Variants in SEC14L5 observed in about 807,000 individuals in gnomAD.
The protein encoded by SEC14L5 is SEC14-like protein 5.
In SEC14L5, 96 loss-of-function variants were observed where a neutral mutation model predicts 84.6. That is an observed-to-expected ratio of 1.13 (90% CI 0.96 to 1.34). The LOEUF (loss-of-function observed/expected upper bound fraction) is 1.34. SEC14L5 is among the 40% of genes most tolerant of loss of function. SEC14L5 has a pLI of 0.00. For missense variants in SEC14L5, 1,224 were observed against 942.5 expected (o/e 1.30, Z -3.91); for synonymous variants, 546 against 383.4 (o/e 1.42, Z -4.95).
chr16:4,977,520 G>A (rs1285299682), intron 2 of SEC14L5, among the ~76,000 whole-genome samples: 5 of 149,380 alleles, frequency 3.3e-5, no homozygotes, highest in African/African-American at 7.4e-5. Flanking sequence ...ATGAACACAT[G>A]CTGAATTAAA....
intron 2 of SEC14L5, 122 bp downstream of exon 2, chr16:4,959,508 G>A (rs1010604330): frequency 1.2e-6 from 1 of 839,660 alleles, no homozygotes; most frequent in South Asian, 1.4e-5. Flanking sequence ...GAGTTACTCA[G>A]CTGACCTGGT....
In SEC14L5 at chr16:4,981,401, C is replaced by G. The variant is rs536665790; in HGVS notation, c.64-6156C>G. 2.6e-5 allele frequency among the ~76,000 whole-genome samples: 4 copies of G among 151,774 alleles called. No individual in the cohort carries two copies. The East Asian group carries it at 7.7e-4, about 29-fold the overall frequency. ...TGCTGGGATTACAGGTGTGAGCCAC[C>G]GCGCCTGGTCTCGTCAAGGCCTGTT... is the stretch of plus-strand genomic sequence containing the variant. On this transcript the variant is annotated intron_variant, in intron 2 of 15. Coordinates refer to ENST00000251170, the MANE Select transcript of SEC14L5 (RefSeq NM_014692.2).
At chr16:5,010,263 C>G (rs934193242) in intron 14 of SEC14L5, among the ~76,000 whole-genome samples, 3 of 145,264 alleles carry the variant, frequency 2.1e-5, no homozygotes, top group Admixed American at 6.9e-5. Flanking sequence ...ACTCGGGAGG[C>G]TAAGGCAGGA....
At chr16:4,971,910 C>T (rs562820355) in intron 2 of SEC14L5, among the ~76,000 whole-genome samples, 9 of 152,130 alleles carry the variant, frequency 5.9e-5, no homozygotes, top group African/African-American at 2.2e-4. Context: ...TAAATGAAAC[C>T]TACATAGAGA....
intron 2 of SEC14L5, among the ~76,000 whole-genome samples, chr16:4,968,249 G>A (rs1456915366): frequency 2.0e-5 from 3 of 151,094 alleles, no homozygotes; most frequent in African/African-American, 4.9e-5. Flanking sequence ...GCGCAATCTC[G>A]GCTCACTGAA....
At chr16:4,976,706 C>T (rs1234842054) in intron 2 of SEC14L5, among the ~76,000 whole-genome samples, 1 of 152,222 alleles carries the variant, frequency 6.6e-6, no homozygotes, top group Non-Finnish European at 1.5e-5. Flanking sequence ...TGTGGCCCTG[C>T]AGCTGTGGGC....
At chr16:4,982,282 G>A (rs540762108) in intron 2 of SEC14L5, among the ~76,000 whole-genome samples, 1 of 152,280 alleles carries the variant, frequency 6.6e-6, no homozygotes, top group African/African-American at 2.4e-5. Context: ...TCAGATGCCG[G>A]CACTATTTTT....
rs772593315 is a variant in SEC14L5, at chr16:5,003,492, G to T, written c.1221G>T (p.Val407=). The T allele has an allele frequency of 6.2e-7, 1 of 1,613,018 alleles. No individual in the cohort carries two copies. The highest frequency in any genetic ancestry group is 1.3e-5 in the African/African-American group (1 of 74,966). The change falls in exon 11 of 16, where the codon GTG becomes GTT. Residue 407 remains valine (V), a synonymous_variant. Coordinates refer to ENST00000251170, the MANE Select transcript of SEC14L5 (RefSeq NM_014692.2). ...AGGCCCTGCTGCGGATGATTGAGGT[G>T]GTTGAGGACAATTACCCAGAGACCC... ...GVKALLRMIE[V]VEDNYPETLG...
chr16:5,011,013 A>C, intron 14 of SEC14L5, 82 bp from the exon 15 acceptor site: 1 of 1,361,686 alleles, frequency 7.3e-7, no homozygotes. Context: ...AGGCCTGGTG[A>C]TGAGAAGCCC....
intron 4 of SEC14L5, among the ~76,000 whole-genome samples, chr16:4,990,097 T>A (rs1250657037): frequency 6.6e-6 from 1 of 151,474 alleles, no homozygotes; most frequent in East Asian, 1.9e-4. Flanking sequence ...CTAAATTTTA[T>A]GTGTAATATT....
chr16:4,963,857 T>C lies in SEC14L5; in HGVS notation c.63+4471T>C, dbSNP rs58292653. 4.7e-3 allele frequency among the ~76,000 whole-genome samples: 708 copies of C among 152,214 alleles called. 14 individuals carry two copies. The East Asian group carries it at 0.051, about 11-fold the overall frequency. ...TTAAATTCTACTATATAAAAATTTA[T>C]AAATACTTTTATAGAAATGAGGTCT... On this transcript the variant is annotated intron_variant, in intron 2 of 15. Coordinates refer to ENST00000251170, the MANE Select transcript of SEC14L5 (RefSeq NM_014692.2).
At chr16:5,000,396 C>G (rs187128083) in intron 8 of SEC14L5, among the ~76,000 whole-genome samples, 2 of 152,376 alleles carry the variant, frequency 1.3e-5, no homozygotes, top group East Asian at 3.9e-4. Flanking sequence ...CCTCTGCCCC[C>G]CAAAATGCTG....
chr16:5,000,838 C>T lies in SEC14L5; in HGVS notation c.1060-17C>T. On this transcript the variant is annotated splice_polypyrimidine_tract_variant and intron_variant, in intron 9 of 15. Transcript: ENST00000251170. The stretch of plus-strand genomic sequence containing the variant: ...GCAGCGAGGCGGACGTTGAGCAGCA[C>T]TGTCTCTCCCTTCCAGGTTCTCTCC... 1.3e-6 allele frequency: 2 copies of T among 1,596,178 alleles called. No homozygotes were observed. Among genetic ancestry groups the T allele is most frequent in the East Asian group, 2.3e-5 (1 of 44,090 alleles).
intron 4 of SEC14L5, among the ~76,000 whole-genome samples, chr16:4,988,928 G>T (rs958388933): frequency 1.3e-5 from 2 of 152,242 alleles, no homozygotes; most frequent in African/African-American, 4.8e-5. Context: ...GTGTGCATTT[G>T]TCACAGCTAA....
At chr16:4,977,761 G>A (rs370205097) in intron 2 of SEC14L5, among the ~76,000 whole-genome samples, 1 of 151,712 alleles carries the variant, frequency 6.6e-6, no homozygotes, top group Non-Finnish European at 1.5e-5. Flanking sequence ...CACTTGGCAG[G>A]CGTTTGAATT....
chr16:5,004,635 C>T (rs2142524560), intron 11 of SEC14L5, among the ~76,000 whole-genome samples: 1 of 152,156 alleles, frequency 6.6e-6, no homozygotes, highest in Middle Eastern at 3.4e-3. Flanking sequence ...GGGCCCAGCA[C>T]AGCACAGAGC....
intron 4 of SEC14L5, among the ~76,000 whole-genome samples, chr16:4,989,331 TTTTTTTTGTTTG>T (rs1274416554): frequency 7.2e-4 from 109 of 150,750 alleles, no homozygotes; most frequent in African/African-American, 2.5e-3. Flanking sequence ...TGTTTTGTTT[TTTTTTTTGTTTG>T]TTTTTTTGAG....
chr16:4,991,479 T>C (rs1263112753), intron 5 of SEC14L5, among the ~76,000 whole-genome samples: 3 of 151,750 alleles, frequency 2.0e-5, no homozygotes, highest in Non-Finnish European at 2.9e-5. Context: ...GGCAGGAGGA[T>C]CTCTTGATCC....
chr16:4,973,592 C>T, intron 2 of SEC14L5, among the ~76,000 whole-genome samples: 1 of 151,920 alleles, frequency 6.6e-6, no homozygotes, highest in East Asian at 1.9e-4. Context: ...ATGCACGATG[C>T]AACACAGATG....
Sources: gnomAD v4.1 joint callset for allele counts (sites outside exome capture counted in the v4.1 genomes callset) on GRCh38, gnomAD v4.1.1 for gene constraint, MANE v1.5 for transcripts, NCBI Gene and HGNC (gene_info 2026-07-23, HGNC 2026-07-21) for gene names.